The following BTG4 variants were observed in gnomAD, a reference collection of about 807,000 sequenced individuals.
BTG4 encodes the protein protein BTG4.
BTG4 carries 10 observed loss-of-function variants against 19.3 expected under a neutral mutation model. The observed-to-expected ratio is 0.52, with a 90% confidence interval of 0.32 to 0.88. The LOEUF is 0.88. BTG4 is among the 40% of genes least tolerant of loss of function. The pLI, the probability that BTG4 is intolerant of heterozygous loss-of-function variation, is 0.04. For synonymous variants in BTG4, 91 were observed against 95.7 expected, an observed-to-expected ratio of 0.95 and a Z score of 0.29; for missense variants, 238 against 281.9, an observed-to-expected ratio of 0.84 and a Z score of 1.11.
chr11:111,422,818 C>G, the BTG4 span, among the ~76,000 whole-genome samples: 1 of 152,164 alleles, frequency 6.6e-6, no homozygotes, highest in Admixed American at 6.5e-5. Context: ...TCCCCCATCC[C>G]CAGCTGGCAG....
At chr11:111,472,478 G>A (rs1864128565) in intron 5 of BTG4, among the ~76,000 whole-genome samples, 1 of 152,144 alleles carries the variant, frequency 6.6e-6, no homozygotes, top group Non-Finnish European at 1.5e-5. Context: ...AGAGGCCAGG[G>A]ATGCTGCTAA....
chr11:111,434,967 C>G, the BTG4 span: 1 of 152,296 alleles, frequency 6.6e-6, no homozygotes, highest in African/African-American at 2.4e-5. Flanking sequence ...TCTCACCTGA[C>G]AAGCCTCTAA....
At chr11:111,493,675 A>G (rs1469678044), downstream of BTG4, among the ~76,000 whole-genome samples, 1 of 151,972 alleles carries the variant, frequency 6.6e-6, no homozygotes, top group Non-Finnish European at 1.5e-5. Context: ...GTTCACAACA[A>G]CTCCCACACT....
At chr11:111,389,064 A>C in the BTG4 span, among the ~76,000 whole-genome samples, 1 of 152,232 alleles carries the variant, frequency 6.6e-6, no homozygotes, top group African/African-American at 2.4e-5. Flanking sequence ...TTATGAATCA[A>C]AGGTGTAGTT....
chr11:111,455,531 C>A, the BTG4 span: 1 of 253,416 alleles, frequency 3.9e-6, no homozygotes, highest in Non-Finnish European at 8.1e-6. Context: ...CCTCTTTCTG[C>A]TCGACGCTGA....
At chr11:111,426,112 C>G in the BTG4 span, among the ~76,000 whole-genome samples, 1 of 152,110 alleles carries the variant, frequency 6.6e-6, no homozygotes, top group South Asian at 2.1e-4. Context: ...TATCCAAAAA[C>G]CAGGGTGTCA....
intron 5 of BTG4, among the ~76,000 whole-genome samples, chr11:111,487,299 T>C (rs577746756): frequency 6.6e-6 from 1 of 152,326 alleles, no homozygotes; most frequent in East Asian, 1.9e-4. Flanking sequence ...AATGTATCTT[T>C]ATAATAGAAT....
At position 111,495,144 on chromosome 11, in the gene BTG4, T is replaced by C. The variant is rs376895795; in HGVS notation, c.681A>G (p.Thr227=). The change falls in exon 5 of 5, where the codon ACA becomes ACG. Residue 227 remains threonine (T), a synonymous_variant. Coordinates refer to ENST00000692032, the MANE Select transcript of BTG4 (RefSeq NM_001367975.1). ...HRLDRYHWVN[T]HR ...GTGCCCAGTCGCTGCGTCATCGGTG[T>C]GTGTTGACCCAGTGGTACCTGTCCA... The C allele has an allele frequency of 4.1e-4, 640 of 1,546,590 alleles. No homozygotes were observed. Among genetic ancestry groups the C allele is most frequent in the Non-Finnish European group, 5.4e-4 (621 of 1,148,432 alleles).
chr11:111,473,056 G>A (rs1368670959), intron 5 of BTG4, among the ~76,000 whole-genome samples: 3 of 150,968 alleles, frequency 2.0e-5, no homozygotes, highest in African/African-American at 7.3e-5. Context: ...CTAACTTATG[G>A]ATGAGGAAAC....
the BTG4 span, chr11:111,385,257 G>A: frequency 1.4e-4 from 22 of 151,938 alleles, no homozygotes. Context: ...ATCTTTCTGT[G>A]AAAAACAGGA....
At chr11:111,475,710 T>C (rs1217094281) in intron 5 of BTG4, among the ~76,000 whole-genome samples, 1 of 152,186 alleles carries the variant, frequency 6.6e-6, no homozygotes, top group Non-Finnish European at 1.5e-5. Context: ...AAATTCAAAC[T>C]GCTTCTCACA....
intron 5 of BTG4, among the ~76,000 whole-genome samples, chr11:111,474,546 G>GTAGA (rs1864284146): frequency 6.6e-6 from 1 of 152,242 alleles, no homozygotes; most frequent in East Asian, 1.9e-4. Flanking sequence ...ATCCCACTGT[G>GTAGA]TAGATACATT....
At chr11:111,482,373 C>T (rs1864795134) in intron 5 of BTG4, among the ~76,000 whole-genome samples, 1 of 152,028 alleles carries the variant, frequency 6.6e-6, no homozygotes, top group South Asian at 2.1e-4. Context: ...TAGAGACATC[C>T]TTTCTCTCCA....
chr11:111,428,514 C>A, the BTG4 span, among the ~76,000 whole-genome samples: 1 of 152,200 alleles, frequency 6.6e-6, no homozygotes, highest in African/African-American at 2.4e-5. Flanking sequence ...TTGGGCCACA[C>A]AGTCATCTCC....
At chr11:111,414,962 G>A in the BTG4 span, 1 of 152,184 alleles carries the variant, frequency 6.6e-6, no homozygotes, top group African/African-American at 2.4e-5. Context: ...GGGAGGCTGG[G>A]GAGAGGGAAG....
intron 4 of BTG4, among the ~76,000 whole-genome samples, chr11:111,495,693 T>A (rs866693357): frequency 2.6e-5 from 4 of 152,148 alleles, no homozygotes; most frequent in Admixed American, 6.5e-5. Flanking sequence ...ATACAGATGT[T>A]TTACAGATCA....
intron 1 of BTG4, among the ~76,000 whole-genome samples, chr11:111,506,565 AC>A (rs1335938446): frequency 6.6e-6 from 1 of 152,122 alleles, no homozygotes; most frequent in East Asian, 1.9e-4. Context: ...CCAACACGCA[AC>A]ATTATGCATG....
At chr11:111,472,389 G>A (rs1864122344) in intron 5 of BTG4, among the ~76,000 whole-genome samples, 1 of 152,190 alleles carries the variant, frequency 6.6e-6, no homozygotes, top group African/African-American at 2.4e-5. Flanking sequence ...TTGTCCCCCA[G>A]GGGATATTTG....
the BTG4 span, chr11:111,416,326 C>G: frequency 6.6e-6 from 1 of 152,092 alleles, no homozygotes; most frequent in Non-Finnish European, 1.5e-5. Context: ...CTCTCTCTCT[C>G]CCTCTCTCGT....
Sources: allele counts gnomAD v4.1 joint callset (sites outside exome capture counted in the v4.1 genomes callset), GRCh38; gene constraint gnomAD v4.1.1; transcripts MANE v1.5; gene names NCBI Gene and HGNC (gene_info 2026-07-23, HGNC 2026-07-21).